The following ZFYVE27 variants were observed in gnomAD, a reference collection of about 807,000 sequenced individuals.
The protein encoded by ZFYVE27 is protrudin.
ZFYVE27 carries 36 observed loss-of-function variants against 52.8 expected under a neutral mutation model. The ratio of observed to expected loss-of-function variants is 0.68; its 90% CI spans 0.52 to 0.90. The LOEUF (loss-of-function observed/expected upper bound fraction) is 0.90, where lower values mean the gene tolerates loss of function less well. ZFYVE27 is among the 40% of genes least tolerant of loss of function. The pLI is 0.00. For missense variants in ZFYVE27, 450 were observed against 527.2 expected, an observed-to-expected ratio of 0.85 and a Z score of 1.43; for synonymous variants, 223 against 215.6, an observed-to-expected ratio of 1.03 and a Z score of -0.30.
intron 4 of ZFYVE27, among the ~76,000 whole-genome samples, chr10:97,747,093 C>T (rs1003805623): frequency 6.6e-6 from 1 of 152,140 alleles, no homozygotes; most frequent in Admixed American, 6.5e-5. Context: ...TAATCTGGAG[C>T]AGTTCCTCAG....
At chr10:97,747,470 C>G (rs1468822751) in intron 4 of ZFYVE27, among the ~76,000 whole-genome samples, 1 of 152,160 alleles carries the variant, frequency 6.6e-6, no homozygotes, top group Admixed American at 6.5e-5. Context: ...AGATGATCTT[C>G]TAATTATTCT....
chr10:97,752,360 T>G (rs965689866), intron 8 of ZFYVE27, among the ~76,000 whole-genome samples: 4 of 152,214 alleles, frequency 2.6e-5, no homozygotes, highest in African/African-American at 7.2e-5. Context: ...TGCAGGCATT[T>G]GACTTTCTGA....
intron 10 of ZFYVE27, 27 bp downstream of exon 10, chr10:97,753,209 G>T (rs1219631410): frequency 1.4e-5 from 23 of 1,602,672 alleles, no homozygotes; most frequent in Non-Finnish European, 1.8e-5. Flanking sequence ...GGGCTGGGCT[G>T]GTGGGGGAGT....
At chr10:97,737,567 TGGCTC>T (rs150596418) in intron 1 of ZFYVE27, among the ~76,000 whole-genome samples, 2,448 of 152,364 alleles carry the variant, frequency 0.016, 56 homozygotes, top group African/African-American at 0.054. Flanking sequence ...CCTTTCGCCT[TGGCTC>T]GGCCTGCGGG....
chr10:97,749,394 C>CCAGCTGTGTCTCA lies in ZFYVE27; in HGVS notation c.552-79_552-78insAGCTGTGTCTCAC. On this transcript the variant is annotated intron_variant, in intron 5 of 12. Transcript: ENST00000684270. ...TGCCCAGAGCTGTGTCTCACCTGGA[C>CCAGCTGTGTCTCA]CCTGCTGTGGGTGTGCTCCAAACCC... The CCAGCTGTGTCTCA allele has an allele frequency of 2.9e-6, 3 of 1,032,636 alleles. No homozygotes were observed. The East Asian group carries it at 7.1e-5, about 24-fold the overall frequency. The allele number at this position is 1,032,636 out of a possible 1,614,324, so 64.0% of individuals were successfully genotyped here. A position where few individuals can be genotyped will look rare whatever the true frequency, so the allele number is the denominator to read the frequency against.
intron 4 of ZFYVE27, among the ~76,000 whole-genome samples, chr10:97,747,888 G>A (rs1367562954): frequency 6.6e-6 from 1 of 152,232 alleles, no homozygotes; most frequent in East Asian, 1.9e-4. Flanking sequence ...CACATCCCAG[G>A]TAGAGAATAT....
chr10:97,753,095 G>A lies in ZFYVE27; in HGVS notation c.955G>A (p.Gly319Arg), dbSNP rs1220516536. 5.0e-6 allele frequency: 8 copies of A among 1,611,286 alleles called. No homozygotes were observed. In the East Asian group the frequency reaches 1.1e-4, roughly 23 times the overall value. ...AEDELALQDN[G>R]FLSKNEVLRS... ...GGATGAGCTGGCCCTGCAGGACAAC[G>A]GGTTCCTGAGCAAGAATGAGGTGCT... The change falls in exon 10 of 13, where the codon GGG becomes AGG. Residue 319 changes from glycine (G) to arginine (R), a missense_variant. Transcript: ENST00000684270.
chr10:97,742,320 G>T (rs907366601), intron 2 of ZFYVE27, among the ~76,000 whole-genome samples: 1 of 151,956 alleles, frequency 6.6e-6, no homozygotes, highest in Non-Finnish European at 1.5e-5. Flanking sequence ...TATCAGGGAC[G>T]GAGCCAGCAG....
At chr10:97,750,171 T>G (rs1469663254) in intron 6 of ZFYVE27, 160 bp from the exon 7 acceptor site, 4 of 828,208 alleles carry the variant, frequency 4.8e-6, no homozygotes, top group East Asian at 2.6e-5. Context: ...AAGTTTTGTT[T>G]AAGAGGCTTA....
rs77774855 is a variant in ZFYVE27 at position 97,739,632 on chromosome 10, A to G, written c.197+958A>G. 4.8e-3 allele frequency among the ~76,000 whole-genome samples: 729 copies of G among 152,264 alleles called. 17 individuals carry two copies. The East Asian group carries it at 0.061, about 13-fold the overall frequency. On this transcript the variant is annotated intron_variant, in intron 2 of 12. Transcript: ENST00000684270. ...TCATCCTATACTCAGTTCATATTCC[A>G]TTTCCTCAGTTGTACCATCTCTTTT... is the stretch of plus-strand genomic sequence containing the variant.
Position 97,744,877 on chromosome 10 carries a change from C to T in ZFYVE27, c.417C>T (p.Arg139=). ...GGCAGGAGGACCTGCAGAGAGGTCG[C>T]CTGTCTCGTCCCGAGGCCGTGGCTG... ...SVRQEDLQRG[R]LSRPEAVAEV... The change falls in exon 4 of 13, where the codon CGC becomes CGT. Residue 139 remains arginine (R), a synonymous_variant. Transcript: ENST00000684270. The T allele has an allele frequency of 1.2e-6, 2 of 1,605,092 alleles. No individual in the cohort carries two copies. The highest frequency in any genetic ancestry group is 2.2e-5 in the East Asian group (1 of 44,730).
At chr10:97,748,491 TTG>T in intron 5 of ZFYVE27, 127 bp downstream of exon 5, 1 of 860,098 alleles carries the variant, frequency 1.2e-6, no homozygotes, top group Non-Finnish European at 1.9e-6. Flanking sequence ...TCCTGGGCTC[TTG>T]TGTGTATATC....
intron 2 of ZFYVE27, among the ~76,000 whole-genome samples, chr10:97,740,074 G>C (rs2043217314): frequency 6.6e-6 from 1 of 152,084 alleles, no homozygotes; most frequent in African/African-American, 2.4e-5. Context: ...TGTATTTCTA[G>C]GGAAAAGCTT....
chr10:97,750,515 G>T (rs776037716), intron 7 of ZFYVE27, 45 bp downstream of exon 7: 32 of 1,610,992 alleles, frequency 2.0e-5, no homozygotes, highest in Non-Finnish European at 2.6e-5. Flanking sequence ...CCGCTTGTGG[G>T]CCCCCCTGTT....
At chr10:97,756,643 T>C (rs1308496192) in intron 10 of ZFYVE27, among the ~76,000 whole-genome samples, 1 of 152,216 alleles carries the variant, frequency 6.6e-6, no homozygotes, top group Admixed American at 6.5e-5. Context: ...TCTTGGCATC[T>C]CTGGTGGTTT....
At chr10:97,757,842 G>A (rs755149243) in intron 12 of ZFYVE27, 119 bp downstream of exon 12, 4 of 983,990 alleles carry the variant, frequency 4.1e-6, no homozygotes, top group Non-Finnish European at 4.7e-6. Context: ...TCAGGCCTAC[G>A]GGAACGTTTC....
intron 12 of ZFYVE27, 35 bp downstream of exon 12, chr10:97,757,758 T>C (rs920214781): frequency 6.2e-7 from 1 of 1,605,232 alleles, no homozygotes; most frequent in African/African-American, 1.3e-5. Flanking sequence ...GCTTGGTTGG[T>C]ATCCCGCCCA....
chr10:97,757,122 A>C, intron 10 of ZFYVE27, 143 bp from the exon 11 acceptor site: 1 of 1,080,874 alleles, frequency 9.3e-7, no homozygotes, highest in Non-Finnish European at 1.4e-6. Context: ...CTGTCTCTGA[A>C]TCTGGCCTTG....
In ZFYVE27 at chr10:97,754,524, A is replaced by G. The variant is rs543023312; in HGVS notation, c.1042+1342A>G. On this transcript the variant is annotated intron_variant, in intron 10 of 12. Coordinates refer to ENST00000684270, the MANE Select transcript of ZFYVE27 (RefSeq NM_001385875.1). Reference sequence around the variant, plus strand: ...GAGACAGGGTCTTACTTTGTTCCTCAGGCTGGTCTTGAACTCTTGGGTTTA... The same window carrying G: ...GAGACAGGGTCTTACTTTGTTCCTCGGGCTGGTCTTGAACTCTTGGGTTTA... Among the ~76,000 whole-genome samples the G allele has an allele frequency of 1.2e-3, 190 of 152,150 alleles. 1 individual carries two copies. Among genetic ancestry groups the G allele is most frequent in the African/African-American group, 4.4e-3 (183 of 41,498 alleles).
Sources: gnomAD v4.1 joint callset for allele counts (sites outside exome capture counted in the v4.1 genomes callset) on GRCh38, gnomAD v4.1.1 for gene constraint, MANE v1.5 for transcripts, NCBI Gene and HGNC (gene_info 2026-07-23, HGNC 2026-07-21) for gene names.